Variants in SNTG2 observed in about 807,000 individuals in gnomAD.
The protein encoded by SNTG2 is syntrophin gamma 2, also known as gamma-2-syntrophin.
Under a neutral mutation model 70.9 loss-of-function variants are expected in SNTG2, and 74 were observed. The observed-to-expected ratio is 1.04, with a 90% CI of 0.86 to 1.27. SNTG2 has a LOEUF of 1.27. SNTG2 is among the 50% of genes most tolerant of loss of function. The pLI, the probability that SNTG2 is intolerant of heterozygous loss-of-function variation, is 0.00. For missense variants in SNTG2, 717 were observed against 690.7 expected, an observed-to-expected ratio of 1.04 and a Z score of -0.43; for synonymous variants, 278 against 273.8, an observed-to-expected ratio of 1.02 and a Z score of -0.15.
rs12328321 is a variant in SNTG2, at chr2:1,302,670, A to C, written c.1285-5824A>C. 8.7e-3 allele frequency among the ~76,000 whole-genome samples: 1,322 copies of C among 152,334 alleles called. 18 individuals are homozygous for C. The highest frequency in any genetic ancestry group is 0.029 in the African/African-American group (1,218 of 41,568). On this transcript the variant is annotated intron_variant, in intron 14 of 16. Coordinates refer to ENST00000308624, the MANE Select transcript of SNTG2 (RefSeq NM_018968.4). The stretch of plus-strand genomic sequence containing the variant: ...ATATCAATAAATTACATGAAGTGAA[A>C]GTGGTGTAAATGCACCAAGTAAGAA...
chr2:1,184,443 C>A (rs57361788), intron 8 of SNTG2, among the ~76,000 whole-genome samples: 2,357 of 152,264 alleles, frequency 0.015, 65 homozygotes, highest in African/African-American at 0.054. Flanking sequence ...TTAGCCCTTT[C>A]TCACACTGCT....
chr2:1,300,818 T>C (rs1680428412), intron 14 of SNTG2, among the ~76,000 whole-genome samples: 2 of 152,206 alleles, frequency 1.3e-5, no homozygotes, highest in South Asian at 4.1e-4. Context: ...CATTTTGTTT[T>C]ATCACATCCT....
intron 14 of SNTG2, among the ~76,000 whole-genome samples, chr2:1,285,415 A>G (rs1473935656): frequency 6.6e-6 from 1 of 152,184 alleles, no homozygotes; most frequent in East Asian, 1.9e-4. Context: ...GATTATACAT[A>G]ATCTTCAAAT....
At chr2:1,121,854 G>C (rs190901166) in intron 4 of SNTG2, among the ~76,000 whole-genome samples, 48 of 152,224 alleles carry the variant, frequency 3.2e-4, no homozygotes, top group Admixed American at 1.2e-3. Context: ...TGAGATTTGG[G>C]TGGGAACACA....
intron 4 of SNTG2, among the ~76,000 whole-genome samples, chr2:1,123,120 T>C (rs1355150971): frequency 6.6e-6 from 1 of 152,146 alleles, no homozygotes; most frequent in Non-Finnish European, 1.5e-5. Flanking sequence ...TCATAATTAA[T>C]ATTGCTAAAA....
intron 16 of SNTG2, among the ~76,000 whole-genome samples, chr2:1,334,916 C>T (rs1429106428): frequency 6.6e-6 from 1 of 152,058 alleles, no homozygotes; most frequent in African/African-American, 2.4e-5. Flanking sequence ...CCAAAAACCC[C>T]CATTCCCCAA....
At chr2:1,279,250 C>T (rs1156448557) in intron 14 of SNTG2, among the ~76,000 whole-genome samples, 1 of 152,218 alleles carries the variant, frequency 6.6e-6, no homozygotes, top group Non-Finnish European at 1.5e-5. Context: ...TCAAGTCACT[C>T]TTATCGGATG....
At chr2:977,765 G>A (rs1572183719) in intron 1 of SNTG2, among the ~76,000 whole-genome samples, 1 of 151,832 alleles carries the variant, frequency 6.6e-6, no homozygotes, top group African/African-American at 2.4e-5. Flanking sequence ...CGTTGCCAAC[G>A]TCACGGCCAT....
At chr2:1,217,964 C>G (rs1674508746) in intron 9 of SNTG2, among the ~76,000 whole-genome samples, 1 of 152,072 alleles carries the variant, frequency 6.6e-6, no homozygotes, top group Admixed American at 6.5e-5. Context: ...CAGGCTGAAA[C>G]CAAGGTGTCG....
intron 12 of SNTG2, among the ~76,000 whole-genome samples, chr2:1,252,049 C>G (rs1677803843): frequency 1.3e-5 from 2 of 152,164 alleles, no homozygotes; most frequent in South Asian, 2.1e-4. Context: ...GAGACAAGAA[C>G]TGGGTAGCCA....
At chr2:1,210,478 C>T (rs1673967796) in intron 9 of SNTG2, 1 of 152,112 alleles carries the variant, frequency 6.6e-6, no homozygotes, top group Non-Finnish European at 1.5e-5. Flanking sequence ...GCTGAAAATC[C>T]CTACTGCCTG....
chr2:1,247,466 A>G, intron 12 of SNTG2, 23 bp downstream of exon 12: 1 of 1,520,528 alleles, frequency 6.6e-7, no homozygotes, highest in Non-Finnish European at 9.1e-7. Context: ...TTGACACTCC[A>G]CAGGGAGGGG....
At chr2:1,265,397 T>C (rs1678669797) in intron 13 of SNTG2, among the ~76,000 whole-genome samples, 2 of 152,214 alleles carry the variant, frequency 1.3e-5, no homozygotes, top group Non-Finnish European at 2.9e-5. Context: ...TGTTCATGTG[T>C]GCACACACAT....
chr2:1,040,066 G>A (rs1010827202), intron 1 of SNTG2, among the ~76,000 whole-genome samples: 61 of 152,164 alleles, frequency 4.0e-4, no homozygotes, highest in African/African-American at 1.2e-3. Context: ...TGGCCTGTGC[G>A]GGTCACATGA....
In SNTG2 at chr2:1,060,503, C is replaced by G. The variant is rs138194867; in HGVS notation, c.73-23015C>G. Among the ~76,000 whole-genome samples, 31 of 152,218 alleles carry G rather than the reference C, an allele frequency of 2.0e-4. No homozygotes were observed. In the East Asian group the frequency reaches 5.2e-3, roughly 26 times the overall value. On this transcript the variant is annotated intron_variant, in intron 1 of 16. Transcript: ENST00000308624. ...GCTCCCGGCTTTGGATTCTAAATGCCCTTCTTCTTCACAAAAGGGAACCAG... is the reference window on the plus strand; with the variant it reads ...GCTCCCGGCTTTGGATTCTAAATGCGCTTCTTCTTCACAAAAGGGAACCAG...
chr2:1,150,617 G>A (rs557619554), intron 6 of SNTG2, among the ~76,000 whole-genome samples: 1 of 152,210 alleles, frequency 6.6e-6, no homozygotes, highest in South Asian at 2.1e-4. Flanking sequence ...ACATGCTTAT[G>A]GAATTCAGTT....
intron 4 of SNTG2, among the ~76,000 whole-genome samples, chr2:1,124,906 C>T (rs1029460746): frequency 2.6e-5 from 4 of 152,082 alleles, no homozygotes; most frequent in South Asian, 2.1e-4. Flanking sequence ...ACAATCATAC[C>T]GTGTTGGGGA....
intron 9 of SNTG2, 49 bp from the exon 10 acceptor site, chr2:1,237,839 C>A: frequency 6.4e-7 from 1 of 1,555,116 alleles, no homozygotes; most frequent in Non-Finnish European, 8.7e-7. Context: ...CGGAGGCAGG[C>A]CCGCTCCCGT....
At chr2:1,359,797 A>G (rs1300311280) in intron 16 of SNTG2, among the ~76,000 whole-genome samples, 1 of 152,186 alleles carries the variant, frequency 6.6e-6, no homozygotes, top group Non-Finnish European at 1.5e-5. Flanking sequence ...ACCCACTGCC[A>G]TTTTTGGTTA....
Sources: allele counts gnomAD v4.1 joint callset (sites outside exome capture counted in the v4.1 genomes callset), GRCh38; gene constraint gnomAD v4.1.1; transcripts MANE v1.5; gene names NCBI Gene and HGNC (gene_info 2026-07-23, HGNC 2026-07-21).